CDK6: variants seen among roughly 807,000 people sequenced by gnomAD.
CDK6 encodes the protein cyclin-dependent kinase 6.
Under a neutral mutation model 37.1 loss-of-function variants are expected in CDK6, and 6 were observed. The ratio of observed to expected loss-of-function variants is 0.16; its 90% confidence interval spans 0.09 to 0.32. CDK6 has a LOEUF of 0.32. Among genes scored for constraint, CDK6 ranks in the 10% least tolerant of loss-of-function variants. The pLI is 1.00. For missense variants in CDK6, 224 were observed against 418.9 expected (o/e 0.53, Z 4.06); for synonymous variants, 160 against 161.3 (o/e 0.99, Z 0.06).
intron 5 of CDK6, among the ~76,000 whole-genome samples, chr7:92,626,901 A>G (rs1372204960): frequency 6.6e-6 from 1 of 152,102 alleles, no homozygotes; most frequent in African/African-American, 2.4e-5. Context: ...AAATTATATA[A>G]AACATTTCAC....
At chr7:92,672,134 C>CACAT (rs1554401675) in intron 4 of CDK6, among the ~76,000 whole-genome samples, 1 of 65,408 alleles carries the variant, frequency 1.5e-5, no homozygotes, top group African/African-American at 7.1e-5. Context: ...AAAAGCTGTA[C>CACAT]ATATATATAT....
At chr7:92,719,081 G>C (rs1007882217) in intron 4 of CDK6, among the ~76,000 whole-genome samples, 29 of 152,202 alleles carry the variant, frequency 1.9e-4, no homozygotes, top group African/African-American at 6.3e-4. Flanking sequence ...TGAGGTCAGA[G>C]TAAGGAAGGA....
intron 2 of CDK6, among the ~76,000 whole-genome samples, chr7:92,807,677 A>C (rs1800762965): frequency 6.6e-6 from 1 of 151,988 alleles, no homozygotes; most frequent in Admixed American, 6.6e-5. Flanking sequence ...TCCCTCCATA[A>C]ATAAATTTAA....
intron 2 of CDK6, among the ~76,000 whole-genome samples, chr7:92,813,051 C>T (rs934172677): frequency 1.3e-5 from 2 of 152,128 alleles, no homozygotes; most frequent in African/African-American, 4.8e-5. Flanking sequence ...TCTGTACACC[C>T]ATGATCTAAC....
Position 92,700,678 on chromosome 7 carries a change from G to A in CDK6, c.537+24948C>T, listed in dbSNP as rs143967237. Among the ~76,000 whole-genome samples, 131 of 152,322 alleles carry A rather than the reference G, an allele frequency of 8.6e-4. 1 individual carries two copies. Among genetic ancestry groups the A allele is most frequent in the Admixed American group, 4.4e-3 (67 of 15,302 alleles). On this transcript the variant is annotated intron_variant, in intron 4 of 7. Transcript: ENST00000424848. ...CTGCCTCCAGGATTACCTCCACAGC[G>A]GAGGAGACTGTTGAAGGAGATAGCA...
intron 2 of CDK6, among the ~76,000 whole-genome samples, chr7:92,803,778 C>T (rs752283688): frequency 3.3e-5 from 5 of 151,964 alleles, no homozygotes; most frequent in Admixed American, 6.5e-5. Context: ...GATTGACTCC[C>T]GGGACAGTAT....
intron 3 of CDK6, among the ~76,000 whole-genome samples, chr7:92,738,285 T>A (rs567155298): frequency 1.2e-4 from 19 of 152,080 alleles, no homozygotes; most frequent in Non-Finnish European, 2.6e-4. Flanking sequence ...AAGGCAAAAC[T>A]GAGAACTGGG....
intron 2 of CDK6, among the ~76,000 whole-genome samples, chr7:92,790,860 C>A (rs778636003): frequency 2.0e-5 from 3 of 152,150 alleles, no homozygotes; most frequent in Non-Finnish European, 4.4e-5. Flanking sequence ...AGAAAGGGCA[C>A]TTGAAACCAA....
chr7:92,763,493 T>C (rs1163093409), intron 3 of CDK6, among the ~76,000 whole-genome samples: 1 of 152,238 alleles, frequency 6.6e-6, no homozygotes, highest in Non-Finnish European at 1.5e-5. Context: ...GGAAAGATTT[T>C]TGTGTGGCTT....
chr7:92,713,667 T>TAAAAAAAAAAAAAAAAAAAAAAAAAAA (rs535072218), intron 4 of CDK6, among the ~76,000 whole-genome samples: 1 of 67,218 alleles, frequency 1.5e-5, no homozygotes, highest in Non-Finnish European at 3.3e-5. Flanking sequence ...TTAAAAAAAG[T>TAAAAAAAAAAAAAAAAAAAAAAAAAAA]AAAAAAAAAA....
chr7:92,813,355 G>C (rs1473736934), intron 2 of CDK6, among the ~76,000 whole-genome samples: 1 of 152,114 alleles, frequency 6.6e-6, no homozygotes. Context: ...ATGCACCAAA[G>C]CTTTCTTCAT....
At chr7:92,755,297 C>A (rs940122310) in intron 3 of CDK6, among the ~76,000 whole-genome samples, 1 of 151,924 alleles carries the variant, frequency 6.6e-6, no homozygotes, top group Admixed American at 6.6e-5. Flanking sequence ...CCTCGGGGAA[C>A]GTCTGGAGGG....
chr7:92,748,257 A>C (rs1330733737), intron 3 of CDK6, among the ~76,000 whole-genome samples: 6 of 152,228 alleles, frequency 3.9e-5, no homozygotes, highest in Admixed American at 2.0e-4. Flanking sequence ...AGGAAATGCA[A>C]AAAAGGCATT....
chr7:92,621,157 T>G (rs1460062562), intron 6 of CDK6, among the ~76,000 whole-genome samples: 2 of 152,218 alleles, frequency 1.3e-5, no homozygotes, highest in Non-Finnish European at 2.9e-5. Context: ...GAAATATTTT[T>G]TCAAGTACTT....
chr7:92,758,380 T>G (rs1221335408), intron 3 of CDK6, among the ~76,000 whole-genome samples: 5 of 152,218 alleles, frequency 3.3e-5, no homozygotes, highest in Non-Finnish European at 7.3e-5. Context: ...CACCCTTTAC[T>G]GAATAGAGAA....
intron 2 of CDK6, among the ~76,000 whole-genome samples, chr7:92,775,078 C>A (rs1159693598): frequency 6.6e-6 from 1 of 152,186 alleles, no homozygotes; most frequent in Non-Finnish European, 1.5e-5. Context: ...GAGAAAGCAA[C>A]GCGCTTGGAG....
intron 6 of CDK6, among the ~76,000 whole-genome samples, chr7:92,622,811 T>G (rs1409650505): frequency 1.3e-5 from 2 of 151,924 alleles, no homozygotes; most frequent in African/African-American, 2.4e-5. Flanking sequence ...AGCAAAAAGA[T>G]CCACACAAGC....
At position 92,661,356 on chromosome 7, in the gene CDK6, C is replaced by T. The variant is rs191693277; in HGVS notation, c.647+10070G>A. Among the ~76,000 whole-genome samples the T allele has an allele frequency of 1.3e-3, 196 of 152,112 alleles. 7 individuals carry two copies. The highest frequency in any genetic ancestry group is 0.012 in the Admixed American group (190 of 15,284). On this transcript the variant is annotated intron_variant, in intron 5 of 7. Transcript: ENST00000424848. ...TTTTAAAGCACCAAATATAGCTGAC[C>T]CTCGAACAACATGGGGGTTAAAGGT...
intron 4 of CDK6, among the ~76,000 whole-genome samples, chr7:92,697,938 T>C (rs1797758291): frequency 6.6e-6 from 1 of 152,144 alleles, no homozygotes; most frequent in Non-Finnish European, 1.5e-5. Flanking sequence ...TACAAGCCAG[T>C]TGGAAAATGT....
Sources: allele counts gnomAD v4.1 joint callset (sites outside exome capture counted in the v4.1 genomes callset), GRCh38; gene constraint gnomAD v4.1.1; transcripts MANE v1.5; gene names NCBI Gene and HGNC (gene_info 2026-07-23, HGNC 2026-07-21).